Variants in TCF4 observed in about 807,000 individuals in gnomAD.
TCF4 encodes the protein SL3-3 enhancer factor 2.
TCF4 carries 3 observed loss-of-function variants against 82.1 expected under a neutral mutation model. That is an observed-to-expected ratio of 0.04 (90% confidence interval 0.02 to 0.09). The LOEUF (loss-of-function observed/expected upper bound fraction) is 0.09, where lower values mean the gene tolerates loss of function less well. Among genes scored for constraint, TCF4 ranks in the 10% least tolerant of loss-of-function variants. The probability of loss-of-function intolerance (pLI) is 1.00; values close to 1 mark genes in which losing one functional copy is unlikely to be tolerated. For missense variants in TCF4, 518 were observed against 852.7 expected (o/e 0.61, Z 4.89); for synonymous variants, 276 against 309.6 (o/e 0.89, Z 1.14).
rs1348706381 is a variant in TCF4, at chr18:55,321,772, C to G, written c.549+28587G>C. The G allele has an allele frequency of 3.3e-6, 5 of 1,516,766 alleles. No homozygotes were observed. In the South Asian group the frequency reaches 6.1e-5, roughly 18 times the overall value. 94.0% of individuals were successfully genotyped at this position (1,516,766 alleles called of 1,614,324 possible). On this transcript the variant is annotated intron_variant, in intron 8 of 19. Transcript: ENST00000354452. ...ATTCTTTTTTCTCCTCAGTACCACTCTAACAACTTTTATTTCAAACTCGCT... is the reference window on the plus strand; with the variant it reads ...ATTCTTTTTTCTCCTCAGTACCACTGTAACAACTTTTATTTCAAACTCGCT...
chr18:55,418,183 C>T lies in TCF4; in HGVS notation c.305-14665G>A, dbSNP rs575650414. ...TTCCAAAAGAGAAGATGTTAAGATTCATTTCCCTAAACTATTTTCATTCTC... is the reference window on the plus strand; with the variant it reads ...TTCCAAAAGAGAAGATGTTAAGATTTATTTCCCTAAACTATTTTCATTCTC... On this transcript the variant is annotated intron_variant, in intron 5 of 19. Transcript: ENST00000354452. 3.3e-5 allele frequency among the ~76,000 whole-genome samples: 5 copies of T among 152,164 alleles called. No individual in the cohort carries two copies. The South Asian group carries it at 8.3e-4, about 25-fold the overall frequency.
At chr18:55,364,021 T>G (rs995514496) in intron 6 of TCF4, among the ~76,000 whole-genome samples, 4 of 152,148 alleles carry the variant, frequency 2.6e-5, no homozygotes, top group Admixed American at 6.5e-5. Flanking sequence ...AATAAATATA[T>G]GACAAGCTAT....
At chr18:55,231,434 A>G (rs1201968829) in intron 17 of TCF4, 1 of 152,250 alleles carries the variant, frequency 6.6e-6, no homozygotes, top group Non-Finnish European at 1.5e-5. Context: ...ATACATAAGT[A>G]AATGTCATAA....
At chr18:55,566,177 CA>C (rs1184494670) in intron 3 of TCF4, among the ~76,000 whole-genome samples, 1 of 152,004 alleles carries the variant, frequency 6.6e-6, no homozygotes, top group Non-Finnish European at 1.5e-5. Context: ...CATGCCACTG[CA>C]CTCCAGCCTG....
chr18:55,268,067 C>T lies in TCF4; in HGVS notation c.922+1764G>A. On this transcript the variant is annotated intron_variant, in intron 11 of 19. Transcript: ENST00000354452. ...TGTCTACAGCTCATGGAGATAACCACCCTATTTCCTGATATGTCCCTTCCA... is the reference window on the plus strand; with the variant it reads ...TGTCTACAGCTCATGGAGATAACCATCCTATTTCCTGATATGTCCCTTCCA... 1.3e-5 allele frequency: 2 copies of T among 152,128 alleles called. 1 individual carries two copies. Among genetic ancestry groups the T allele is most frequent in the Non-Finnish European group, 2.9e-5 (2 of 68,034 alleles). The allele number at this position is 152,128 out of a possible 1,614,324, so 9.4% of individuals were successfully genotyped here.
At chr18:55,500,948 C>G (rs1366460186) in intron 3 of TCF4, among the ~76,000 whole-genome samples, 1 of 152,080 alleles carries the variant, frequency 6.6e-6, no homozygotes, top group African/African-American at 2.4e-5. Context: ...GATAAAGAAA[C>G]AGAAAAATTC....
chr18:55,366,730 C>T (rs1453171212), intron 6 of TCF4, among the ~76,000 whole-genome samples: 1 of 152,204 alleles, frequency 6.6e-6, no homozygotes, highest in Non-Finnish European at 1.5e-5. Flanking sequence ...TTGTCCAAAC[C>T]TAGTAGGTCC....
chr18:55,304,985 C>G (rs1163250162), intron 8 of TCF4, among the ~76,000 whole-genome samples: 1 of 152,062 alleles, frequency 6.6e-6, no homozygotes, highest in Non-Finnish European at 1.5e-5. Flanking sequence ...AGCATGGTGA[C>G]AGCAGTTTCA....
intron 6 of TCF4, chr18:55,401,314 G>C: frequency 8.5e-7 from 1 of 1,173,530 alleles, no homozygotes; most frequent in Non-Finnish European, 1.1e-6. Flanking sequence ...TATGGAGATT[G>C]CTGCGACCAC....
upstream of TCF4, among the ~76,000 whole-genome samples, chr18:55,590,479 T>C (rs914730291): frequency 3.3e-5 from 5 of 152,248 alleles, no homozygotes; most frequent in Non-Finnish European, 7.3e-5. Flanking sequence ...CACGACTGAC[T>C]CAACCCATTT....
intron 3 of TCF4, among the ~76,000 whole-genome samples, chr18:55,561,549 C>A (rs928072134): frequency 6.6e-6 from 1 of 152,276 alleles, no homozygotes; most frequent in Admixed American, 6.5e-5. Flanking sequence ...CCATAATGAT[C>A]TTCCTACTTA....
At chr18:55,585,666 G>C in intron 2 of TCF4, 4 of 816,498 alleles carry the variant, frequency 4.9e-6, no homozygotes, top group Non-Finnish European at 6.4e-6. Context: ...AGCCTCTCTA[G>C]AAAAACACTA....
intron 3 of TCF4, among the ~76,000 whole-genome samples, chr18:55,508,546 C>T (rs1315275710): frequency 3.3e-5 from 5 of 152,204 alleles, no homozygotes; most frequent in Admixed American, 3.3e-4. Flanking sequence ...TGCATTCACT[C>T]ATTTAATTCC....
chr18:55,296,107 G>GTT (rs11353305), intron 8 of TCF4, among the ~76,000 whole-genome samples: 1 of 140,098 alleles, frequency 7.1e-6, no homozygotes, highest in East Asian at 2.0e-4. Context: ...ACATTAAAGT[G>GTT]TTTTTTTTTT....
chr18:55,418,895 C>A (rs1466239563), intron 5 of TCF4, among the ~76,000 whole-genome samples: 4 of 152,152 alleles, frequency 2.6e-5, no homozygotes, highest in Non-Finnish European at 5.9e-5. Context: ...ACACACCTGG[C>A]ACATAATTAC....
At chr18:55,297,456 G>C (rs1248486213) in intron 8 of TCF4, among the ~76,000 whole-genome samples, 3 of 118,732 alleles carry the variant, frequency 2.5e-5, no homozygotes, top group Admixed American at 1.5e-4. Context: ...AGATCTTAAA[G>C]GGAGGTGGTG....
intron 18 of TCF4, among the ~76,000 whole-genome samples, chr18:55,228,575 G>C (rs2046995640): frequency 6.6e-6 from 1 of 152,146 alleles, no homozygotes; most frequent in Admixed American, 6.5e-5. Flanking sequence ...AGTAAGCAAA[G>C]GTTGGTAAAG....
chr18:55,402,856 TAATTA>T (rs1172670428), intron 6 of TCF4, among the ~76,000 whole-genome samples: 1 of 152,234 alleles, frequency 6.6e-6, no homozygotes, highest in Non-Finnish European at 1.5e-5. Flanking sequence ...TTTTATTATT[TAATTA>T]AAGTACTCTT....
At chr18:55,418,325 T>A (rs1408496173) in intron 5 of TCF4, among the ~76,000 whole-genome samples, 3 of 152,146 alleles carry the variant, frequency 2.0e-5, no homozygotes, top group African/African-American at 7.2e-5. Context: ...TTGCTTTATG[T>A]TGAAACTTAT....
Sources: allele counts gnomAD v4.1 joint callset (sites outside exome capture counted in the v4.1 genomes callset), GRCh38; gene constraint gnomAD v4.1.1; transcripts MANE v1.5; gene names NCBI Gene and HGNC (gene_info 2026-07-23, HGNC 2026-07-21).